ZBBX: variants seen among roughly 807,000 people sequenced by gnomAD.
ZBBX encodes the protein zinc finger B-box domain containing, also known as zinc finger B-box domain-containing protein 1.
Under a neutral mutation model 108.5 loss-of-function variants are expected in ZBBX, and 101 were observed. The ratio of observed to expected loss-of-function variants is 0.93; its 90% CI spans 0.79 to 1.10. The LOEUF (loss-of-function observed/expected upper bound fraction) is 1.10. Among genes scored for constraint, ZBBX ranks in the 50% least tolerant of loss-of-function variants. The probability of loss-of-function intolerance (pLI) is 0.00; values close to 1 mark genes in which losing one functional copy is unlikely to be tolerated. For synonymous variants in ZBBX, 356 were observed against 323.4 expected (o/e 1.10, Z -1.08); for missense variants, 1,009 against 941.4 (o/e 1.07, Z -0.94).
intron 19 of ZBBX, among the ~76,000 whole-genome samples, chr3:167,285,876 G>T (rs922024456): frequency 2.0e-5 from 3 of 152,076 alleles, no homozygotes; most frequent in African/African-American, 7.2e-5. Context: ...AATAGGCCAG[G>T]CCCTGTTCCA....
chr3:167,179,461 AGG>A, the ZBBX span, among the ~76,000 whole-genome samples: 1 of 152,242 alleles, frequency 6.6e-6, no homozygotes, highest in African/African-American at 2.4e-5. Flanking sequence ...GTCCTGGAAG[AGG>A]GGTATGAGCC....
At chr3:167,276,057 C>A (rs1441678479) in intron 20 of ZBBX, among the ~76,000 whole-genome samples, 4 of 152,140 alleles carry the variant, frequency 2.6e-5, no homozygotes, top group African/African-American at 7.2e-5. Flanking sequence ...AACAGACCTG[C>A]AGCTGAGGGT....
chr3:167,311,017 G>T (rs527444605), intron 16 of ZBBX, among the ~76,000 whole-genome samples: 1 of 152,168 alleles, frequency 6.6e-6, no homozygotes, highest in Admixed American at 6.5e-5. Context: ...TCGAAGAAGA[G>T]CAAAGTCAGA....
intron 4 of ZBBX, among the ~76,000 whole-genome samples, chr3:167,370,827 G>A (rs78823923): frequency 0.022 from 3,354 of 152,198 alleles, 63 homozygotes; most frequent in Non-Finnish European, 0.036. Flanking sequence ...GCAAAAATAT[G>A]TATGTTGCCT....
chr3:167,277,661 C>G (rs1576862497), intron 20 of ZBBX, among the ~76,000 whole-genome samples: 1 of 152,082 alleles, frequency 6.6e-6, no homozygotes, highest in South Asian at 2.1e-4. Flanking sequence ...GAGACTTTAA[C>G]ACCCCACTGT....
the ZBBX span, among the ~76,000 whole-genome samples, chr3:167,183,566 C>T: frequency 3.3e-5 from 5 of 152,230 alleles, no homozygotes; most frequent in Non-Finnish European, 7.3e-5. Context: ...GTTTTACCCA[C>T]ATATTTATCG....
Position 167,322,162 on chromosome 3 carries a change from T to C in ZBBX, c.938A>G (p.Asp313Gly). ...TAATTTTTCCATATAGGATAGAATG[T>C]CTTCTTTAAGTTCAATATTAAGTGG... The part of the protein sequence containing the change: ...REPLNIELKE[D>G]ILSYMEKLWL... Residue 313 changes from aspartate (D) to glycine (G), a missense_variant, in exon 12 of 22, where the codon GAC becomes GGC. Transcript: ENST00000675490. 3 of 1,440,500 alleles carry C rather than the reference T, an allele frequency of 2.1e-6. No homozygotes were observed. Among genetic ancestry groups the C allele is most frequent in the Non-Finnish European group, 2.8e-6 (3 of 1,082,220 alleles). The allele number at this position is 1,440,500 out of a possible 1,614,324, so 89.2% of individuals were successfully genotyped here.
chr3:167,312,261 G>A (rs551475963), intron 16 of ZBBX, among the ~76,000 whole-genome samples: 1 of 152,242 alleles, frequency 6.6e-6, no homozygotes, highest in East Asian at 1.9e-4. Flanking sequence ...AAAAATCAGT[G>A]GTTGCCAGGA....
At chr3:167,286,456 G>A (rs1045245339) in intron 19 of ZBBX, among the ~76,000 whole-genome samples, 1 of 152,026 alleles carries the variant, frequency 6.6e-6, no homozygotes, top group African/African-American at 2.4e-5. Context: ...TATCAATACT[G>A]TTATGAGTAA....
At chr3:167,384,571 T>C (rs1747848019), upstream of ZBBX, among the ~76,000 whole-genome samples, 1 of 152,012 alleles carries the variant, frequency 6.6e-6, no homozygotes, top group Non-Finnish European at 1.5e-5. Flanking sequence ...CAACCATATA[T>C]ATTAGGTTAC....
chr3:167,365,675 AT>A (rs1745204389), intron 6 of ZBBX, among the ~76,000 whole-genome samples: 1 of 151,792 alleles, frequency 6.6e-6, no homozygotes, highest in Non-Finnish European at 1.5e-5. Flanking sequence ...GCAAGGTAAA[AT>A]TTTGAAATCA....
At chr3:167,291,792 T>C (rs183801076) in intron 18 of ZBBX, among the ~76,000 whole-genome samples, 198 of 152,302 alleles carry the variant, frequency 1.3e-3, no homozygotes, top group Non-Finnish European at 2.5e-3. Context: ...CCCATCAGTG[T>C]GCTGTATTCA....
chr3:167,242,440 T>C (rs570980443), intron 21 of ZBBX, 65 bp downstream of exon 21: 2 of 1,327,906 alleles, frequency 1.5e-6, no homozygotes, highest in East Asian at 2.4e-5. Flanking sequence ...TAAAGATAAC[T>C]AGTTGGAGCT....
Position 167,305,697 on chromosome 3 carries a change from G to A in ZBBX, c.1671C>T (p.Ser557=). 2 of 1,609,588 alleles carry A rather than the reference G, an allele frequency of 1.2e-6. No homozygotes were observed. The highest frequency in any genetic ancestry group is 1.7e-6 in the Non-Finnish European group (2 of 1,178,664). Residue 557 remains serine, a synonymous_variant, in exon 17 of 22, where the codon AGC becomes AGT. Coordinates refer to ENST00000675490, the MANE Select transcript of ZBBX (RefSeq NM_001199201.2). ...SQDIKESLEL[S]NLYKRPSFEE... ...CAAAGCTTGGCCTCTTATACAGATT[G>A]CTCAATTCCAAGGATTCTTTGATGT... is the stretch of plus-strand genomic sequence containing the variant.
the ZBBX span, among the ~76,000 whole-genome samples, chr3:167,223,625 CA>C: frequency 2.0e-5 from 3 of 151,886 alleles, no homozygotes; most frequent in Admixed American, 6.6e-5. Context: ...TTTCCATTAA[CA>C]CTGTTTCTCT....
chr3:167,221,278 G>C, the ZBBX span, among the ~76,000 whole-genome samples: 1 of 16,806 alleles, frequency 6.0e-5, no homozygotes, highest in Non-Finnish European at 9.7e-5. Context: ...CTACAGAGCT[G>C]TAGTAACAAA....
At chr3:167,367,634 C>A (rs1745519268) in intron 5 of ZBBX, among the ~76,000 whole-genome samples, 1 of 150,094 alleles carries the variant, frequency 6.7e-6, no homozygotes, top group Non-Finnish European at 1.5e-5. Context: ...GATATACTCA[C>A]TGAAAACAAA....
At chr3:167,233,664 G>T in the ZBBX span, among the ~76,000 whole-genome samples, 1 of 151,644 alleles carries the variant, frequency 6.6e-6, no homozygotes, top group African/African-American at 2.4e-5. Flanking sequence ...ATCTTGAGTG[G>T]GTATCTCTAC....
chr3:167,210,705 A>G, the ZBBX span, among the ~76,000 whole-genome samples: 1 of 152,198 alleles, frequency 6.6e-6, no homozygotes, highest in Non-Finnish European at 1.5e-5. Flanking sequence ...CTGGCAGAAG[A>G]CTTTTCAGTG....
Sources: allele counts gnomAD v4.1 joint callset (sites outside exome capture counted in the v4.1 genomes callset), GRCh38; gene constraint gnomAD v4.1.1; transcripts MANE v1.5; gene names NCBI Gene and HGNC (gene_info 2026-07-23, HGNC 2026-07-21).